The following KDM4C variants were observed in gnomAD, a reference collection of about 807,000 sequenced individuals.
KDM4C encodes lysine demethylase 4C.
In KDM4C, 81 loss-of-function variants were observed where a neutral mutation model predicts 129.3. The ratio of observed to expected loss-of-function variants is 0.63; its 90% CI spans 0.52 to 0.75. The LOEUF is 0.75. KDM4C is among the 30% of genes least tolerant of loss of function. KDM4C has a pLI of 0.00. For synonymous variants in KDM4C, 573 were observed against 456.1 expected (o/e 1.26, Z -3.26); for missense variants, 1,457 against 1,304.0 (o/e 1.12, Z -1.81).
intron 19 of KDM4C, among the ~76,000 whole-genome samples, chr9:7,133,137 A>G (rs1187661919): frequency 6.6e-6 from 1 of 152,206 alleles, no homozygotes; most frequent in Non-Finnish European, 1.5e-5. Context: ...TACTAATTTG[A>G]AAGGAGCAAA....
chr9:6,829,308 A>C (rs1463847932), intron 4 of KDM4C, among the ~76,000 whole-genome samples: 2 of 152,220 alleles, frequency 1.3e-5, no homozygotes, highest in African/African-American at 4.8e-5. Context: ...GGGATGAGGA[A>C]GCTGAGCCTG....
intron 5 of KDM4C, 35 bp downstream of exon 5, chr9:6,849,735 G>A (rs755802807): frequency 6.7e-7 from 1 of 1,491,476 alleles, no homozygotes; most frequent in Non-Finnish European, 9.0e-7. Flanking sequence ...TTACTTTGGA[G>A]TTTTGAAATT....
intron 1 of KDM4C, among the ~76,000 whole-genome samples, chr9:6,730,633 T>G (rs1430181643): frequency 6.7e-6 from 1 of 148,288 alleles, no homozygotes; most frequent in South Asian, 2.1e-4. Context: ...AAAAAAGTAA[T>G]AATAATAATA....
At chr9:6,941,407 C>A in intron 8 of KDM4C, among the ~76,000 whole-genome samples, 1 of 151,916 alleles carries the variant, frequency 6.6e-6, no homozygotes. Flanking sequence ...CTTATAGATG[C>A]TGTATATTAG....
At chr9:6,857,559 C>T (rs1397793802) in intron 5 of KDM4C, among the ~76,000 whole-genome samples, 5 of 152,096 alleles carry the variant, frequency 3.3e-5, no homozygotes, top group Non-Finnish European at 5.9e-5. Flanking sequence ...TCCAGGATAT[C>T]TAGTGTTTGT....
chr9:7,056,962 A>G (rs1172294165), intron 17 of KDM4C, among the ~76,000 whole-genome samples: 1 of 152,226 alleles, frequency 6.6e-6, no homozygotes, highest in Non-Finnish European at 1.5e-5. Flanking sequence ...AGACAGCTCT[A>G]AACAATCTGT....
intron 1 of KDM4C, among the ~76,000 whole-genome samples, chr9:6,738,065 C>G (rs188553872): frequency 2.0e-5 from 3 of 152,018 alleles, no homozygotes; most frequent in East Asian, 3.9e-4. Flanking sequence ...ACCCGGGAGG[C>G]AGAGGTTGCA....
chr9:6,796,642 G>T (rs1482697499), intron 2 of KDM4C, among the ~76,000 whole-genome samples: 1 of 152,152 alleles, frequency 6.6e-6, no homozygotes, highest in African/African-American at 2.4e-5. Context: ...TGAGAACTAT[G>T]ATTACAAAAC....
At chr9:7,154,334 G>T (rs1842965358) in intron 19 of KDM4C, among the ~76,000 whole-genome samples, 1 of 152,248 alleles carries the variant, frequency 6.6e-6, no homozygotes, top group Non-Finnish European at 1.5e-5. Context: ...CCCCAAGGGG[G>T]ACTGCCAGAG....
chr9:6,721,674 C>T (rs534978991), intron 1 of KDM4C, among the ~76,000 whole-genome samples: 46 of 151,448 alleles, frequency 3.0e-4, no homozygotes, highest in Middle Eastern at 3.2e-3. Flanking sequence ...CTGCAACCTC[C>T]GCCTCCCGGG....
chr9:6,962,813 G>A (rs1830250740), intron 8 of KDM4C, among the ~76,000 whole-genome samples: 2 of 152,086 alleles, frequency 1.3e-5, no homozygotes, highest in Non-Finnish European at 1.5e-5. Flanking sequence ...AAAATCTCAT[G>A]TAATTACTCA....
chr9:6,808,003 C>T lies in KDM4C; in HGVS notation c.320+2229C>T, dbSNP rs1270625038. On this transcript the variant is annotated intron_variant, in intron 3 of 21. Transcript: ENST00000381309. ...CGGGAGGGAGGTGGGGGGGGTCAGC[C>T]CCCCTGCCCGGCCAGCCGCCCCGTC... is the stretch of plus-strand genomic sequence containing the variant. 2.4e-5 allele frequency among the ~76,000 whole-genome samples: 3 copies of T among 126,294 alleles called. No homozygotes were observed. In the East Asian group the frequency reaches 7.2e-4, roughly 30 times the overall value. 82.9% of individuals were successfully genotyped at this position (126,294 alleles called of 152,430 possible).
chr9:6,867,632 C>G (rs1404126473), intron 5 of KDM4C, among the ~76,000 whole-genome samples: 1 of 152,120 alleles, frequency 6.6e-6, no homozygotes, highest in African/African-American at 2.4e-5. Context: ...ATGCTTGATG[C>G]TGTTACAAAA....
chr9:7,100,330 T>C (rs1836925737), intron 17 of KDM4C, among the ~76,000 whole-genome samples: 2 of 152,146 alleles, frequency 1.3e-5, no homozygotes, highest in African/African-American at 4.8e-5. Flanking sequence ...AATCTCAGTA[T>C]GCATAAAGAT....
chr9:7,014,804 A>G (rs1334488540), intron 14 of KDM4C, among the ~76,000 whole-genome samples: 2 of 152,052 alleles, frequency 1.3e-5, no homozygotes, highest in Non-Finnish European at 2.9e-5. Flanking sequence ...CAGCTTCCTC[A>G]TCTATCATTT....
intron 8 of KDM4C, among the ~76,000 whole-genome samples, chr9:6,955,419 A>C (rs1010313933): frequency 6.6e-6 from 1 of 152,218 alleles, no homozygotes; most frequent in African/African-American, 2.4e-5. Context: ...CATGCAGTGC[A>C]GTGGACCATG....
intron 4 of KDM4C, among the ~76,000 whole-genome samples, chr9:6,843,303 C>T (rs954496229): frequency 2.0e-5 from 3 of 152,168 alleles, no homozygotes; most frequent in African/African-American, 7.2e-5. Flanking sequence ...CGTCGAGGTG[C>T]CCCTCTAAAA....
intron 19 of KDM4C, among the ~76,000 whole-genome samples, chr9:7,163,355 C>G (rs1844010420): frequency 1.3e-5 from 2 of 152,156 alleles, no homozygotes; most frequent in East Asian, 3.9e-4. Flanking sequence ...TGTGAGTTTG[C>G]TGTAGCACTG....
intron 18 of KDM4C, 122 bp downstream of exon 18, chr9:7,103,992 C>A: frequency 1.1e-6 from 1 of 881,368 alleles, no homozygotes; most frequent in Non-Finnish European, 1.7e-6. Context: ...CATGTCTAGA[C>A]CGTGAGTTCC....
Sources: gnomAD v4.1 joint callset for allele counts (sites outside exome capture counted in the v4.1 genomes callset) on GRCh38, gnomAD v4.1.1 for gene constraint, MANE v1.5 for transcripts, NCBI Gene and HGNC (gene_info 2026-07-23, HGNC 2026-07-21) for gene names.